The following FBXW2 variants were observed in gnomAD, a reference collection of about 807,000 sequenced individuals.
FBXW2 encodes F-box and WD repeat domain containing 2, also known as F-box/WD repeat-containing protein 2.
Under a neutral mutation model 46.0 loss-of-function variants are expected in FBXW2, and 12 were observed. That is an observed-to-expected ratio of 0.26 (90% CI 0.17 to 0.42). The LOEUF is 0.42. Among genes scored for constraint, FBXW2 ranks in the 10% least tolerant of loss-of-function variants. FBXW2 has a pLI of 1.00. For synonymous variants in FBXW2, 203 were observed against 209.6 expected (o/e 0.97, Z 0.27); for missense variants, 360 against 537.0 (o/e 0.67, Z 3.26).
rs531136861 is a variant in FBXW2 at position 120,767,511 on chromosome 9, G to A, written c.1077-2664C>T. Among the ~76,000 whole-genome samples, 147 of 152,272 alleles carry A rather than the reference G, an allele frequency of 9.7e-4. 3 individuals are homozygous for A. The highest frequency in any genetic ancestry group is 3.3e-3 in the African/African-American group (137 of 41,558). On this transcript the variant is annotated intron_variant, in intron 7 of 7. Transcript: ENST00000608872. ...TAACTTCAAGTAAAGGGGAATCAGA[G>A]GTCCCAATATGTGTGTTCCAAATGA...
At chr9:120,790,613 G>C (rs2044818181) in intron 2 of FBXW2, among the ~76,000 whole-genome samples, 1 of 152,178 alleles carries the variant, frequency 6.6e-6, no homozygotes, top group South Asian at 2.1e-4. Context: ...TACACATGCT[G>C]ACACACATCT....
intron 3 of FBXW2, among the ~76,000 whole-genome samples, chr9:120,786,032 A>G (rs1400059489): frequency 1.3e-5 from 2 of 151,326 alleles, no homozygotes; most frequent in Non-Finnish European, 3.0e-5. Context: ...AAAAAAAAAA[A>G]AAAAAAAAAA....
chr9:120,790,521 C>G (rs2044816085), intron 2 of FBXW2, among the ~76,000 whole-genome samples: 1 of 152,080 alleles, frequency 6.6e-6, no homozygotes, highest in African/African-American at 2.4e-5. Context: ...CACACCTGCT[C>G]CTGAAACATT....
chr9:120,793,007 A>T (rs1279473606), intron 2 of FBXW2, 142 bp downstream of exon 2: 2 of 1,504,532 alleles, frequency 1.3e-6, no homozygotes, highest in Non-Finnish European at 1.8e-6. Context: ...CTGTTAACTC[A>T]TTTCGCAGCT....
chr9:120,789,439 T>C (rs2044789180), intron 2 of FBXW2, among the ~76,000 whole-genome samples: 1 of 152,252 alleles, frequency 6.6e-6, no homozygotes, highest in Non-Finnish European at 1.5e-5. Context: ...ATTAGACTAA[T>C]GAAAGATTAC....
intron 7 of FBXW2, among the ~76,000 whole-genome samples, chr9:120,770,210 A>G (rs1489990332): frequency 1.3e-5 from 2 of 152,130 alleles, no homozygotes; most frequent in Non-Finnish European, 2.9e-5. Context: ...CCCCGTCTCT[A>G]CTAAAAATAC....
chr9:120,767,669 G>C lies in FBXW2; in HGVS notation c.1077-2822C>G, dbSNP rs1264548271. 2.0e-5 allele frequency among the ~76,000 whole-genome samples: 3 copies of C among 152,144 alleles called. No homozygotes were observed. In the East Asian group the frequency reaches 5.8e-4, roughly 29 times the overall value. On this transcript the variant is annotated intron_variant, in intron 7 of 7. Coordinates refer to ENST00000608872, the MANE Select transcript of FBXW2 (RefSeq NM_012164.4). Reference sequence around the variant, plus strand: ...GGATTTCGGCAGTGAATAAGACAAAGTTCCTCACACTCAAACTATCCAATA... The same window carrying C: ...GGATTTCGGCAGTGAATAAGACAAACTTCCTCACACTCAAACTATCCAATA...
At chr9:120,785,085 T>C (rs1163801402) in intron 3 of FBXW2, among the ~76,000 whole-genome samples, 1 of 151,416 alleles carries the variant, frequency 6.6e-6, no homozygotes, top group African/African-American at 2.4e-5. Context: ...CTTAGCTCAC[T>C]GCAACCTCCA....
chr9:120,778,188 C>T (rs900823093), intron 4 of FBXW2, among the ~76,000 whole-genome samples, 163 bp downstream of exon 4: 2 of 149,750 alleles, frequency 1.3e-5, no homozygotes, highest in Admixed American at 1.3e-4. Context: ...GTAAAACATT[C>T]GAAATAAGAG....
chr9:120,765,795 GA>G (rs998263565), intron 7 of FBXW2, among the ~76,000 whole-genome samples: 27 of 152,090 alleles, frequency 1.8e-4, no homozygotes, highest in African/African-American at 6.3e-4. Context: ...AAGTTATTAT[GA>G]AAAAAACTAG....
rs772878005 is a variant in FBXW2 at position 120,788,142 on chromosome 9, G to T, written c.117C>A (p.Val39=). The change falls in exon 3 of 8, where the codon GTC becomes GTA. Residue 39 remains valine, a synonymous_variant. Coordinates refer to ENST00000608872, the MANE Select transcript of FBXW2 (RefSeq NM_012164.4). ...LDHLISLSGA[V]QLRHLSNNLE... ...GGTTATTGGAGAGATGCCTGAGCTG[G>T]ACTGCCCCACTCAGACTAATCAGGT... 1 of 1,614,060 alleles carries T rather than the reference G, an allele frequency of 6.2e-7. No individual in the cohort carries two copies. Among genetic ancestry groups the T allele is most frequent in the African/African-American group, 1.3e-5 (1 of 74,912 alleles).
intron 3 of FBXW2, among the ~76,000 whole-genome samples, chr9:120,786,577 G>A (rs1457569749): frequency 6.6e-6 from 1 of 152,136 alleles, no homozygotes; most frequent in Non-Finnish European, 1.5e-5. Context: ...ATATGGAAAT[G>A]GCTAAATAAT....
intron 7 of FBXW2, among the ~76,000 whole-genome samples, chr9:120,768,803 CAG>C (rs1325672910): frequency 5.9e-5 from 9 of 151,446 alleles, no homozygotes; most frequent in Admixed American, 4.6e-4. Context: ...GCCTGGGTGA[CAG>C]AGTGAGACTC....
intron 3 of FBXW2, among the ~76,000 whole-genome samples, chr9:120,785,970 G>T (rs1290943722): frequency 8.0e-6 from 1 of 125,562 alleles, no homozygotes; most frequent in African/African-American, 3.1e-5. Context: ...AGTGAGCCGA[G>T]ATTGCACCAC....
chr9:120,771,811 C>A (rs1224154499), intron 6 of FBXW2, among the ~76,000 whole-genome samples: 1 of 152,252 alleles, frequency 6.6e-6, no homozygotes. Context: ...GTAATCCCAG[C>A]ACTTTGGGAG....
Position 120,764,535 on chromosome 9 carries a change from A to C in FBXW2, c.*24T>G, listed in dbSNP as rs776987457. The C allele has an allele frequency of 1.3e-6, 2 of 1,596,654 alleles. No individual in the cohort carries two copies. The highest frequency in any genetic ancestry group is 2.2e-5 in the South Asian group (2 of 90,342). ...ACCCGCAGCCCCGGCACCCAAAGTC[A>C]GTCAGCGGTGGTGGCTCATGGTGTC... is the stretch of plus-strand genomic sequence containing the variant. On this transcript the variant is annotated 3_prime_UTR_variant, in exon 8 of 8. Transcript: ENST00000608872.
intron 2 of FBXW2, among the ~76,000 whole-genome samples, chr9:120,790,469 G>A (rs902870578): frequency 7.9e-5 from 12 of 151,992 alleles, no homozygotes; most frequent in African/African-American, 2.9e-4. Context: ...GGGCGAGAGA[G>A]CAAGACTCCA....
At chr9:120,790,636 C>T (rs1408325545) in intron 2 of FBXW2, among the ~76,000 whole-genome samples, 1 of 152,110 alleles carries the variant, frequency 6.6e-6, no homozygotes, top group Non-Finnish European at 1.5e-5. Context: ...TGTAGAAATG[C>T]TTGTATTTAA....
intron 6 of FBXW2, among the ~76,000 whole-genome samples, chr9:120,771,757 G>C (rs1344261332): frequency 1.3e-5 from 2 of 152,128 alleles, no homozygotes; most frequent in Non-Finnish European, 2.9e-5. Context: ...ACACGGGACA[G>C]TATAAAAGAT....
Sources: gnomAD v4.1 joint callset for allele counts (sites outside exome capture counted in the v4.1 genomes callset) on GRCh38, gnomAD v4.1.1 for gene constraint, MANE v1.5 for transcripts, NCBI Gene and HGNC (gene_info 2026-07-23, HGNC 2026-07-21) for gene names.